PIK3R3: variants seen among roughly 807,000 people sequenced by gnomAD.
PIK3R3 encodes the protein phosphoinositide-3-kinase regulatory subunit 3.
In PIK3R3, 64 loss-of-function variants were observed where a neutral mutation model predicts 62.9. The observed-to-expected ratio is 1.02, with a 90% CI of 0.83 to 1.25. The LOEUF is 1.25. Among genes scored for constraint, PIK3R3 ranks in the 50% most tolerant of loss-of-function variants. The pLI is 0.00. For synonymous variants in PIK3R3, 165 were observed against 189.0 expected, an observed-to-expected ratio of 0.87 and a Z score of 1.04; for missense variants, 614 against 561.6, an observed-to-expected ratio of 1.09 and a Z score of -0.94.
chr1:46,079,288 A>G (rs1342917750), intron 2 of PIK3R3, among the ~76,000 whole-genome samples: 1 of 152,222 alleles, frequency 6.6e-6, no homozygotes, highest in African/African-American at 2.4e-5. Flanking sequence ...AAAATTTAGT[A>G]AGAAAATACA....
chr1:46,069,247 C>T (rs950817911), intron 3 of PIK3R3, among the ~76,000 whole-genome samples: 6 of 152,116 alleles, frequency 3.9e-5, no homozygotes, highest in African/African-American at 1.2e-4. Flanking sequence ...AGACCAGGCA[C>T]GGTGGCTCAC....
At chr1:46,150,806 T>G in the PIK3R3 span, among the ~76,000 whole-genome samples, 5 of 139,822 alleles carry the variant, frequency 3.6e-5, no homozygotes, top group Non-Finnish European at 7.5e-5. Context: ...AAACACTCTT[T>G]TTTTTTTTTT....
chr1:46,122,515 G>A (rs574110068), intron 1 of PIK3R3, among the ~76,000 whole-genome samples: 11 of 152,126 alleles, frequency 7.2e-5, no homozygotes, highest in African/African-American at 2.4e-4. Flanking sequence ...GACTACAGGC[G>A]CGCCACCACG....
intron 1 of PIK3R3, among the ~76,000 whole-genome samples, chr1:46,131,323 G>A (rs1306592819): frequency 6.6e-6 from 1 of 152,102 alleles, no homozygotes; most frequent in Non-Finnish European, 1.5e-5. Context: ...GTTTCTGCAA[G>A]AGAAAAAGGG....
intron 1 of PIK3R3, among the ~76,000 whole-genome samples, chr1:46,107,829 GCT>G: frequency 6.6e-6 from 1 of 152,128 alleles, no homozygotes; most frequent in East Asian, 1.9e-4. Flanking sequence ...CTTTGAGTGT[GCT>G]TTTTTAACTA....
intron 1 of PIK3R3, among the ~76,000 whole-genome samples, chr1:46,089,106 A>C (rs1651361607): frequency 6.6e-6 from 1 of 152,314 alleles, no homozygotes; most frequent in Middle Eastern, 3.4e-3. Context: ...TTTCTTAGGA[A>C]GCTCCTGAAT....
chr1:46,162,552 C>A, the PIK3R3 span, among the ~76,000 whole-genome samples: 2 of 151,928 alleles, frequency 1.3e-5, no homozygotes, highest in Admixed American at 1.3e-4. Context: ...AAAAGAAAAC[C>A]ACATATACCC....
intron 1 of PIK3R3, among the ~76,000 whole-genome samples, chr1:46,098,948 C>A (rs1271598414): frequency 2.0e-5 from 3 of 152,112 alleles, no homozygotes; most frequent in Non-Finnish European, 4.4e-5. Context: ...TTGATCCTCC[C>A]ACCTCAGTCT....
chr1:46,172,549 G>C, the PIK3R3 span, among the ~76,000 whole-genome samples: 5 of 152,108 alleles, frequency 3.3e-5, no homozygotes, highest in Non-Finnish European at 7.4e-5. Flanking sequence ...AATTATCTAG[G>C]CGTGGTGGCC....
At chr1:46,095,513 G>A (rs1652035827) in intron 1 of PIK3R3, among the ~76,000 whole-genome samples, 1 of 152,142 alleles carries the variant, frequency 6.6e-6, no homozygotes, top group Admixed American at 6.6e-5. Context: ...TCGCGGGGTG[G>A]TAGGGGGAGA....
the PIK3R3 span, among the ~76,000 whole-genome samples, chr1:46,162,021 G>A: frequency 7.9e-4 from 120 of 152,004 alleles, 1 homozygote; most frequent in African/African-American, 2.6e-3. Context: ...GAACCCGGGA[G>A]GCGGAGCTTG....
the PIK3R3 span, among the ~76,000 whole-genome samples, chr1:46,164,128 T>G: frequency 6.6e-6 from 1 of 152,154 alleles, no homozygotes; most frequent in Non-Finnish European, 1.5e-5. Flanking sequence ...GTAGGAGGAT[T>G]ACAGGACTCC....
intron 1 of PIK3R3, among the ~76,000 whole-genome samples, chr1:46,129,422 T>G (rs570504248): frequency 1.4e-4 from 22 of 151,784 alleles, no homozygotes; most frequent in South Asian, 1.2e-3. Context: ...TATTTATTTA[T>G]TTATTTATTT....
rs1649763654 is a variant in PIK3R3, at chr1:46,073,757, C to A, written c.314+3758G>T. On this transcript the variant is annotated intron_variant, in intron 3 of 9. Transcript: ENST00000262741. The stretch of plus-strand genomic sequence containing the variant: ...GCCTCAGCCTCCCAAGTAGCTGGGA[C>A]CATAGGCGCATGCCACCACATTCAG... Among the ~76,000 whole-genome samples, 2 of 151,250 alleles carry A rather than the reference C, an allele frequency of 1.3e-5. 1 individual carries two copies. Among genetic ancestry groups the A allele is most frequent in the South Asian group, 4.2e-4 (2 of 4,770 alleles).
At position 46,043,867 on chromosome 1, in the gene PIK3R3, C is replaced by T. The variant is rs755888231; in HGVS notation, c.1192G>A (p.Asp398Asn). Residue 398 changes from aspartate to asparagine, a missense_variant, in exon 10 of 10, where the codon GAT (aspartate) becomes AAT (asparagine). Transcript: ENST00000262741. Reference sequence around the variant, plus strand: ...ATCACACAGTGCTTCACTTCCCCATCGGCCCTGCAATGACAAACCACAGAA... The same window carrying T: ...ATCACACAGTGCTTCACTTCCCCATTGGCCCTGCAATGACAAACCACAGAA... ...KGCYACSVVA[D>N]GEVKHCVIYS... 2.7e-5 allele frequency: 43 copies of T among 1,612,516 alleles called. No homozygotes were observed. In the South Asian group the frequency reaches 4.2e-4, roughly 16 times the overall value.
At chr1:46,111,736 TG>T (rs56078210) in intron 1 of PIK3R3, among the ~76,000 whole-genome samples, 32,140 of 150,936 alleles carry the variant, frequency 0.21, 3,798 homozygotes, top group Non-Finnish European at 0.26. Context: ...AAAAAAAGGG[TG>T]GGGGGGCATG....
the PIK3R3 span, among the ~76,000 whole-genome samples, chr1:46,150,198 C>G: frequency 5.3e-5 from 8 of 152,182 alleles, no homozygotes; most frequent in Non-Finnish European, 8.8e-5. Context: ...TCTATGTCCT[C>G]TTATGCAGTT....
chr1:46,114,207 A>G (rs1439873908), intron 1 of PIK3R3, among the ~76,000 whole-genome samples: 1 of 152,196 alleles, frequency 6.6e-6, no homozygotes, highest in Non-Finnish European at 1.5e-5. Context: ...CCACCCTTAA[A>G]CCAATGGGTT....
the PIK3R3 span, among the ~76,000 whole-genome samples, chr1:46,167,799 A>G: frequency 6.6e-6 from 1 of 152,182 alleles, no homozygotes; most frequent in Admixed American, 6.5e-5. Context: ...CTGTTTCTCA[A>G]TCAAGAAAGT....
Sources: allele counts gnomAD v4.1 joint callset (sites outside exome capture counted in the v4.1 genomes callset), GRCh38; gene constraint gnomAD v4.1.1; transcripts MANE v1.5; gene names NCBI Gene and HGNC (gene_info 2026-07-23, HGNC 2026-07-21).